MFN1: variants seen among roughly 807,000 people sequenced by gnomAD.
MFN1 encodes mitofusin 1.
In MFN1, 65 loss-of-function variants were observed where a neutral mutation model predicts 92.4. The ratio of observed to expected loss-of-function variants is 0.70; its 90% CI spans 0.58 to 0.86. MFN1 has a LOEUF of 0.86. Among genes scored for constraint, MFN1 ranks in the 40% least tolerant of loss-of-function variants. The probability of loss-of-function intolerance (pLI) is 0.00; values close to 1 mark genes in which losing one functional copy is unlikely to be tolerated. For missense variants in MFN1, 781 were observed against 868.0 expected (o/e 0.90, Z 1.26); for synonymous variants, 297 against 300.9 (o/e 0.99, Z 0.13).
At chr3:179,358,048 C>T (rs1355043377) in intron 3 of MFN1, among the ~76,000 whole-genome samples, 1 of 151,924 alleles carries the variant, frequency 6.6e-6, no homozygotes, top group African/African-American at 2.4e-5. Context: ...GGACTTTTTA[C>T]ATGGCAAGGC....
chr3:179,391,944 T>C (rs1713916662), intron 17 of MFN1, 37 bp from the exon 18 acceptor site: 1 of 1,337,858 alleles, frequency 7.5e-7, no homozygotes, highest in South Asian at 1.2e-5. Flanking sequence ...CCTTGACCTT[T>C]ATAGTAATTA....
At chr3:179,378,965 G>A (rs892001115) in intron 14 of MFN1, 151 bp downstream of exon 14, 6 of 703,640 alleles carry the variant, frequency 8.5e-6, no homozygotes, top group Admixed American at 3.0e-5. Context: ...TTTAGTTTGA[G>A]CATCTCCAAT....
Position 179,385,672 on chromosome 3 carries a change from C to T in MFN1, c.1766C>T (p.Ala589Val), listed in dbSNP as rs746830197. 6.2e-6 allele frequency: 10 copies of T among 1,613,656 alleles called. No individual in the cohort carries two copies. Among genetic ancestry groups the T allele is most frequent in the Admixed American group, 1.7e-5 (1 of 60,000 alleles). The stretch of plus-strand genomic sequence containing the variant: ...ATGATTACATTAGTAACAGGATTGG[C>T]GTCCGTTACATCTAGAACTTCTATG... ...ELMITLVTGL[A>V]SVTSRTSMGI... The change falls in exon 15 of 18, where the codon GCG (alanine) becomes GTG (valine). Residue 589 changes from alanine (A) to valine (V), a missense_variant. Coordinates refer to ENST00000471841, the MANE Select transcript of MFN1 (RefSeq NM_033540.3).
At chr3:179,362,766 C>A (rs985659550) in intron 5 of MFN1, among the ~76,000 whole-genome samples, 1 of 152,112 alleles carries the variant, frequency 6.6e-6, no homozygotes, top group South Asian at 2.1e-4. Context: ...CTTCGCCTGC[C>A]GGGTACAAGT....
At chr3:179,365,055 T>C (rs1011548120) in intron 6 of MFN1, 63 bp from the exon 7 acceptor site, 3 of 954,490 alleles carry the variant, frequency 3.1e-6, no homozygotes, top group African/African-American at 1.7e-5. Flanking sequence ...CTCATTAAAA[T>C]AAAATTTCAA....
At chr3:179,388,618 A>C (rs1030260072) in intron 16 of MFN1, among the ~76,000 whole-genome samples, 3 of 152,224 alleles carry the variant, frequency 2.0e-5, no homozygotes, top group Non-Finnish European at 4.4e-5. Context: ...ATACAAAGTG[A>C]GAGTGATAAG....
At chr3:179,367,399 TTAAATTA>T (rs749875473) in intron 7 of MFN1, 33 bp from the exon 8 acceptor site, 14 of 1,562,844 alleles carry the variant, frequency 9.0e-6, no homozygotes, top group Non-Finnish European at 1.2e-5. Flanking sequence ...TTATATTTGT[TTAAATTA>T]TTAGAATTCT....
intron 2 of MFN1, among the ~76,000 whole-genome samples, chr3:179,349,226 T>C (rs1214095451): frequency 6.6e-6 from 1 of 152,200 alleles, no homozygotes. Context: ...AATAGTTCAT[T>C]TAATTTTCAT....
chr3:179,371,649 T>G (rs1577009952), intron 9 of MFN1, among the ~76,000 whole-genome samples: 1 of 152,244 alleles, frequency 6.6e-6, no homozygotes, highest in Non-Finnish European at 1.5e-5. Flanking sequence ...CAAATATCTT[T>G]TGCACAGTTA....
At chr3:179,353,677 G>A (rs910024352) in intron 3 of MFN1, among the ~76,000 whole-genome samples, 2 of 152,168 alleles carry the variant, frequency 1.3e-5, no homozygotes, top group Non-Finnish European at 2.9e-5. Context: ...GTGATAGGGT[G>A]ATCTCTGCCA....
intron 9 of MFN1, among the ~76,000 whole-genome samples, chr3:179,372,132 C>T (rs912740370): frequency 1.4e-5 from 2 of 146,484 alleles, no homozygotes; most frequent in Admixed American, 6.9e-5. Context: ...TATATATGCC[C>T]TCACACAGGA....
At chr3:179,377,294 A>G in intron 11 of MFN1, 50 bp from the exon 12 acceptor site, 5 of 1,529,046 alleles carry the variant, frequency 3.3e-6, no homozygotes, top group Non-Finnish European at 4.4e-6. Context: ...TTTTTGAATA[A>G]TTGATAATCT....
At chr3:179,389,238 TAC>T (rs1713808853) in intron 16 of MFN1, among the ~76,000 whole-genome samples, 1 of 152,208 alleles carries the variant, frequency 6.6e-6, no homozygotes, top group Non-Finnish European at 1.5e-5. Context: ...CTAGTTAAGA[TAC>T]TTGGACATCC....
intron 8 of MFN1, 119 bp from the exon 9 acceptor site, chr3:179,367,917 C>T (rs912556382): frequency 2.0e-6 from 1 of 504,642 alleles, no homozygotes; most frequent in African/African-American, 2.1e-5. Context: ...GAGCAAGACT[C>T]TGTCTCGGGG....
chr3:179,389,983 C>A, intron 16 of MFN1, 21 bp from the exon 17 acceptor site: 1 of 1,586,796 alleles, frequency 6.3e-7, no homozygotes, highest in Non-Finnish European at 8.5e-7. Context: ...TTTATGACTG[C>A]TTCTAAATTT....
chr3:179,351,797 A>G, intron 2 of MFN1, 103 bp from the exon 3 acceptor site: 3 of 1,094,588 alleles, frequency 2.7e-6, no homozygotes, highest in South Asian at 2.1e-5. Flanking sequence ...TGTGGGTGGC[A>G]TGTTAACATA....
chr3:179,367,885 T>G (rs1712862049), intron 8 of MFN1, 151 bp from the exon 9 acceptor site: 1 of 409,578 alleles, frequency 2.4e-6, no homozygotes, highest in African/African-American at 2.1e-5. Flanking sequence ...ATTGCGCCAT[T>G]GCACTCCAGC....
At chr3:179,358,696 C>T (rs1336737914) in intron 3 of MFN1, 144 bp from the exon 4 acceptor site, 2 of 736,020 alleles carry the variant, frequency 2.7e-6, no homozygotes, top group African/African-American at 3.5e-5. Flanking sequence ...TTGTGTAAGC[C>T]AAGTGGTTAA....
At chr3:179,385,072 A>T (rs767700323) in intron 14 of MFN1, among the ~76,000 whole-genome samples, 5 of 143,762 alleles carry the variant, frequency 3.5e-5, no homozygotes, top group African/African-American at 1.0e-4. Context: ...CGCTGGGCTA[A>T]TTTTTTTTTT....
Sources: allele counts gnomAD v4.1 joint callset (sites outside exome capture counted in the v4.1 genomes callset), GRCh38; gene constraint gnomAD v4.1.1; transcripts MANE v1.5; gene names NCBI Gene and HGNC (gene_info 2026-07-23, HGNC 2026-07-21).